RASSF6: variants seen among roughly 807,000 people sequenced by gnomAD.
The protein encoded by RASSF6 is ras association domain-containing protein 6.
RASSF6 carries 52 observed loss-of-function variants against 44.0 expected under a neutral mutation model. The observed-to-expected ratio is 1.18, with a 90% confidence interval of 0.95 to 1.49. The LOEUF is 1.49. Among genes scored for constraint, RASSF6 ranks in the 40% most tolerant of loss-of-function variants. The pLI is 0.00. For missense variants in RASSF6, 464 were observed against 393.3 expected (o/e 1.18, Z -1.52); for synonymous variants, 162 against 124.6 (o/e 1.30, Z -2.00).
intron 4 of RASSF6, among the ~76,000 whole-genome samples, chr4:73,589,725 G>A (rs1724381067): frequency 6.6e-6 from 1 of 152,072 alleles, no homozygotes. Context: ...AAACTGGTTG[G>A]AACTTTATGT....
At chr4:73,606,969 G>C (rs928276484) in intron 2 of RASSF6, among the ~76,000 whole-genome samples, 1 of 152,140 alleles carries the variant, frequency 6.6e-6, no homozygotes, top group African/African-American at 2.4e-5. Flanking sequence ...ACCTGAGCAC[G>C]AGCCTGAAAA....
intron 9 of RASSF6, 27 bp downstream of exon 9, chr4:73,576,586 A>T: frequency 6.3e-7 from 1 of 1,582,202 alleles, no homozygotes; most frequent in Non-Finnish European, 8.7e-7. Flanking sequence ...GAAGCAAAAA[A>T]CAGATTCAGG....
chr4:73,608,636 G>T (rs555426670), intron 2 of RASSF6, among the ~76,000 whole-genome samples: 1 of 152,308 alleles, frequency 6.6e-6, no homozygotes, highest in African/African-American at 2.4e-5. Flanking sequence ...AAAATCCTCT[G>T]TCTCTGGCTT....
At chr4:73,600,684 A>C (rs1458395666) in intron 2 of RASSF6, among the ~76,000 whole-genome samples, 1 of 151,740 alleles carries the variant, frequency 6.6e-6, no homozygotes, top group Non-Finnish European at 1.5e-5. Flanking sequence ...GTAATTTTCA[A>C]GGTGTACGTT....
In RASSF6 at chr4:73,574,617, A is replaced by C. The variant is rs1466487282; in HGVS notation, c.*1618T>G. ...TCCTATCATAGCTTAATTATTATTT[A>C]TATTAAACTTTCCCTGTTTAAATTA... On this transcript the variant is annotated 3_prime_UTR_variant, in exon 11 of 11. Coordinates refer to ENST00000307439, the MANE Select transcript of RASSF6 (RefSeq NM_177532.5). 1 of 152,096 alleles carries C rather than the reference A, an allele frequency of 6.6e-6. No homozygotes were observed. The highest frequency in any genetic ancestry group is 1.5e-5 in the Non-Finnish European group (1 of 68,020). 9.4% of individuals were successfully genotyped at this position (152,096 alleles called of 1,614,324 possible).
In RASSF6 at chr4:73,576,244, T is replaced by C. The variant is rs992223771; in HGVS notation, c.1005A>G (p.Thr335=). ...ATAGAAGCTTGTACTGCTAAACTGTTGTCTCTGTTTTTATTACTAGTTTAT... is the reference window on the plus strand; with the variant it reads ...ATAGAAGCTTGTACTGCTAAACTGTCGTCTCTGTTTTTATTACTAGTTTAT... ...LQNKLVIKTE[T]TV Residue 335 remains threonine, a synonymous_variant, in exon 11 of 11, where the codon ACA becomes ACG. Transcript: ENST00000307439. 4.5e-6 allele frequency: 7 copies of C among 1,545,652 alleles called. No individual in the cohort carries two copies. Among genetic ancestry groups the C allele is most frequent in the Non-Finnish European group, 5.3e-6 (6 of 1,123,744 alleles).
rs1722986418 is a variant in RASSF6, at chr4:73,572,851, C to T, written c.*3384G>A. The T allele has an allele frequency of 6.6e-6, 1 of 152,062 alleles. No homozygotes were observed. Among genetic ancestry groups the T allele is most frequent in the Admixed American group, 6.5e-5 (1 of 15,278 alleles). 9.4% of individuals were successfully genotyped at this position (152,062 alleles called of 1,614,324 possible). A position where few individuals can be genotyped will look rare whatever the true frequency, so the allele number is the denominator to read the frequency against. ...AGGGAAGTTAGAAAAACATGAATCA[C>T]TCATAATTCTACAATGCAGATATAG... On this transcript the variant is annotated 3_prime_UTR_variant, in exon 11 of 11. Transcript: ENST00000307439.
At chr4:73,598,447 T>C (rs540631180) in intron 3 of RASSF6, among the ~76,000 whole-genome samples, 193 bp downstream of exon 3, 1 of 151,712 alleles carries the variant, frequency 6.6e-6, no homozygotes, top group South Asian at 2.1e-4. Context: ...AGAAAGAAAA[T>C]ATGTCATTAA....
chr4:73,608,318 G>A (rs914785759), intron 2 of RASSF6, among the ~76,000 whole-genome samples: 1 of 151,890 alleles, frequency 6.6e-6, no homozygotes, highest in African/African-American at 2.4e-5. Context: ...TAACTGCAAA[G>A]TAGATAAATT....
At chr4:73,591,901 C>A (rs1212658012) in intron 4 of RASSF6, among the ~76,000 whole-genome samples, 1 of 152,130 alleles carries the variant, frequency 6.6e-6, no homozygotes, top group Admixed American at 6.5e-5. Context: ...ACATTCCCTA[C>A]CACCGAGAAG....
intron 4 of RASSF6, among the ~76,000 whole-genome samples, chr4:73,590,926 A>G (rs1236013260): frequency 6.6e-6 from 1 of 152,222 alleles, no homozygotes; most frequent in Non-Finnish European, 1.5e-5. Context: ...ATGTAAATGG[A>G]TCCTATAGCA....
At chr4:73,581,715 C>T (rs979899264) in intron 8 of RASSF6, 102 bp downstream of exon 8, 10 of 693,574 alleles carry the variant, frequency 1.4e-5, no homozygotes, top group Non-Finnish European at 2.3e-5. Context: ...CCATTCCTCC[C>T]CTTTCTCCAC....
intron 8 of RASSF6, among the ~76,000 whole-genome samples, chr4:73,578,855 G>A (rs1187756223): frequency 1.3e-5 from 2 of 151,646 alleles, no homozygotes; most frequent in South Asian, 2.1e-4. Context: ...CAAATGATCC[G>A]CCCACCTCGG....
chr4:73,593,019 A>AT (rs11287305), intron 4 of RASSF6, among the ~76,000 whole-genome samples: 26 of 133,648 alleles, frequency 1.9e-4, no homozygotes, highest in African/African-American at 7.0e-4. Flanking sequence ...AGTTGCTGGG[A>AT]TTTTTTTTTT....
chr4:73,603,450 A>G (rs1479164476), intron 2 of RASSF6, among the ~76,000 whole-genome samples: 2 of 152,130 alleles, frequency 1.3e-5, no homozygotes, highest in African/African-American at 4.8e-5. Flanking sequence ...GAAGAGAGCT[A>G]GCCAAGGAGA....
intron 4 of RASSF6, among the ~76,000 whole-genome samples, chr4:73,588,866 G>T (rs1032155379): frequency 4.0e-5 from 6 of 151,418 alleles, no homozygotes; most frequent in African/African-American, 1.5e-4. Context: ...GAACCATTAG[G>T]GACCCAAGGT....
chr4:73,589,562 C>A (rs1724363782), intron 4 of RASSF6, among the ~76,000 whole-genome samples: 1 of 151,848 alleles, frequency 6.6e-6, no homozygotes, highest in South Asian at 2.1e-4. Context: ...CAAAAGTCAT[C>A]CAATATATTC....
chr4:73,599,820 A>G (rs1725163766), intron 2 of RASSF6, among the ~76,000 whole-genome samples: 1 of 152,136 alleles, frequency 6.6e-6, no homozygotes, highest in South Asian at 2.1e-4. Flanking sequence ...AAAAGCCAAC[A>G]TCCTTACAAT....
At chr4:73,597,004 T>C (rs1724981234) in intron 3 of RASSF6, among the ~76,000 whole-genome samples, 1 of 152,226 alleles carries the variant, frequency 6.6e-6, no homozygotes, top group Non-Finnish European at 1.5e-5. Flanking sequence ...ATGTAAAATG[T>C]AAAACTACAA....
Sources: allele counts gnomAD v4.1 joint callset (sites outside exome capture counted in the v4.1 genomes callset), GRCh38; gene constraint gnomAD v4.1.1; transcripts MANE v1.5; gene names NCBI Gene and HGNC (gene_info 2026-07-23, HGNC 2026-07-21).